Variants in CDH18 observed in about 807,000 individuals in gnomAD.
CDH18 encodes cadherin 18, also known as cadherin-18.
A neutral mutation model predicts 67.9 loss-of-function variants in CDH18; 31 were observed. That is an observed-to-expected ratio of 0.46 (90% CI 0.34 to 0.62). CDH18 has a LOEUF of 0.62. Among genes scored for constraint, CDH18 ranks in the 20% least tolerant of loss-of-function variants. The pLI, the probability that CDH18 is intolerant of heterozygous loss-of-function variation, is 0.01. For synonymous variants in CDH18, 362 were observed against 347.2 expected, an observed-to-expected ratio of 1.04 and a Z score of -0.48; for missense variants, 890 against 975.5, an observed-to-expected ratio of 0.91 and a Z score of 1.17.
chr5:19,728,148 A>T (rs1767106481), intron 4 of CDH18, among the ~76,000 whole-genome samples: 1 of 152,162 alleles, frequency 6.6e-6, no homozygotes, highest in East Asian at 1.9e-4. Context: ...TTTCTCTGGG[A>T]ATTATTATAT....
intron 1 of CDH18, among the ~76,000 whole-genome samples, chr5:20,296,048 G>T (rs141159617): frequency 6.7e-6 from 1 of 150,220 alleles, no homozygotes; most frequent in East Asian, 2.1e-4. Context: ...ATTATTTTTT[G>T]TATTTTTAGT....
At chr5:20,381,236 G>A (rs76266332) in intron 1 of CDH18, among the ~76,000 whole-genome samples, 9,425 of 152,190 alleles carry the variant, frequency 0.062, 388 homozygotes, top group South Asian at 0.17. Flanking sequence ...GAAAATAAAT[G>A]TATTTTGCTT....
intron 5 of CDH18, among the ~76,000 whole-genome samples, chr5:19,661,206 T>A (rs949100892): frequency 6.6e-6 from 1 of 152,028 alleles, no homozygotes; most frequent in Non-Finnish European, 1.5e-5. Context: ...CTTTTACTTT[T>A]TGAGTTTCCA....
At chr5:19,725,683 C>A (rs947507278) in intron 4 of CDH18, among the ~76,000 whole-genome samples, 1 of 152,132 alleles carries the variant, frequency 6.6e-6, no homozygotes, top group African/African-American at 2.4e-5. Flanking sequence ...GCAGGAGAAT[C>A]ACTTGAACCC....
chr5:20,558,154 AG>A (rs1382173184), intron 1 of CDH18, among the ~76,000 whole-genome samples: 1 of 152,118 alleles, frequency 6.6e-6, no homozygotes, highest in African/African-American at 2.4e-5. Context: ...TTCAATACAA[AG>A]GAAGTGTGAC....
intron 2 of CDH18, among the ~76,000 whole-genome samples, chr5:20,208,130 C>G (rs1740057834): frequency 6.6e-6 from 1 of 152,112 alleles, no homozygotes. Flanking sequence ...AATTGACTCA[C>G]AGTTCTGCAT....
intron 5 of CDH18, among the ~76,000 whole-genome samples, chr5:19,693,083 T>TC (rs1762106230): frequency 6.6e-6 from 1 of 151,956 alleles, no homozygotes; most frequent in South Asian, 2.1e-4. Context: ...AAATCCTTTT[T>TC]TTTTTTGCAG....
At chr5:20,030,241 T>C (rs1348139944) in intron 2 of CDH18, among the ~76,000 whole-genome samples, 2 of 152,174 alleles carry the variant, frequency 1.3e-5, no homozygotes, top group African/African-American at 2.4e-5. Flanking sequence ...ACCACACTTT[T>C]TCAAAAGGAC....
intron 1 of CDH18, among the ~76,000 whole-genome samples, chr5:20,495,545 A>G (rs1753854513): frequency 6.6e-6 from 1 of 152,122 alleles, no homozygotes; most frequent in African/African-American, 2.4e-5. Flanking sequence ...CTCTATTTCC[A>G]TCTCTAATTT....
chr5:19,579,102 C>A (rs114077771), intron 7 of CDH18, among the ~76,000 whole-genome samples: 6 of 151,922 alleles, frequency 3.9e-5, no homozygotes, highest in Non-Finnish European at 7.4e-5. Flanking sequence ...TTATTAATTA[C>A]ATTATTTGAT....
At chr5:19,686,804 A>G (rs1010683712) in intron 5 of CDH18, among the ~76,000 whole-genome samples, 1 of 152,132 alleles carries the variant, frequency 6.6e-6, no homozygotes, top group African/African-American at 2.4e-5. Context: ...TAGAAATATA[A>G]CAAAATATCT....
At chr5:19,570,800 C>T (rs536100071) in intron 8 of CDH18, among the ~76,000 whole-genome samples, 4 of 152,110 alleles carry the variant, frequency 2.6e-5, no homozygotes, top group South Asian at 2.1e-4. Flanking sequence ...TATTATTTAG[C>T]GAGCACTTAT....
chr5:19,592,261 T>G (rs1745273564), intron 6 of CDH18, among the ~76,000 whole-genome samples: 1 of 152,044 alleles, frequency 6.6e-6, no homozygotes, highest in Admixed American at 6.6e-5. Flanking sequence ...ATACTCTCAT[T>G]GTCTAATAGG....
intron 9 of CDH18, among the ~76,000 whole-genome samples, chr5:19,523,809 T>A (rs768414652): frequency 6.6e-6 from 1 of 152,112 alleles, no homozygotes; most frequent in African/African-American, 2.4e-5. Flanking sequence ...TGAATATACA[T>A]ACTATCAGTA....
At chr5:20,546,526 C>T (rs1380196794) in intron 1 of CDH18, among the ~76,000 whole-genome samples, 1 of 152,106 alleles carries the variant, frequency 6.6e-6, no homozygotes, top group African/African-American at 2.4e-5. Context: ...AAGTAAAGCA[C>T]ATCTTATGTG....
At chr5:19,805,735 C>G (rs76111774) in intron 3 of CDH18, among the ~76,000 whole-genome samples, 2,330 of 152,042 alleles carry the variant, frequency 0.015, 51 homozygotes, top group African/African-American at 0.053. Flanking sequence ...TCAACAGACA[C>G]AAAGTCGTGT....
Position 19,556,778 on chromosome 5 carries a change from C to G in CDH18, c.1254-12773G>C, listed in dbSNP as rs549015600. Reference sequence around the variant, plus strand: ...TCAAATACAAGAAGCTCAAAGAACACCTGGGAAATTAATCACAAAAAGATA... The same window carrying G: ...TCAAATACAAGAAGCTCAAAGAACAGCTGGGAAATTAATCACAAAAAGATA... On this transcript the variant is annotated intron_variant, in intron 8 of 12. Transcript: ENST00000382275. Among the ~76,000 whole-genome samples the G allele has an allele frequency of 1.1e-3, 173 of 152,126 alleles. 1 individual carries two copies. The highest frequency in any genetic ancestry group is 4.1e-3 in the African/African-American group (171 of 41,516).
chr5:19,568,849 C>T (rs1430975734), intron 8 of CDH18, among the ~76,000 whole-genome samples: 1 of 152,172 alleles, frequency 6.6e-6, no homozygotes, highest in Non-Finnish European at 1.5e-5. Context: ...GACTAAGACA[C>T]TATCCCAAGA....
At chr5:19,947,439 T>C (rs1467989491) in intron 2 of CDH18, among the ~76,000 whole-genome samples, 1 of 151,702 alleles carries the variant, frequency 6.6e-6, no homozygotes, top group Non-Finnish European at 1.5e-5. Flanking sequence ...AAGAATAAAC[T>C]TGACTCTTTT....
Sources: gnomAD v4.1 joint callset for allele counts (sites outside exome capture counted in the v4.1 genomes callset) on GRCh38, gnomAD v4.1.1 for gene constraint, MANE v1.5 for transcripts, NCBI Gene and HGNC (gene_info 2026-07-23, HGNC 2026-07-21) for gene names.